The following MAPK10 variants were observed in gnomAD, a reference collection of about 807,000 sequenced individuals.
MAPK10 encodes mitogen-activated protein kinase 10.
Under a neutral mutation model 59.3 loss-of-function variants are expected in MAPK10, and 25 were observed. That is an observed-to-expected ratio of 0.42 (90% CI 0.31 to 0.59). The LOEUF (loss-of-function observed/expected upper bound fraction) is 0.59, where lower values mean the gene tolerates loss of function less well. Ranked by LOEUF, MAPK10 falls within the 20% of genes least tolerant of loss-of-function variation. The pLI is 0.15. For missense variants in MAPK10, 351 were observed against 568.9 expected (o/e 0.62, Z 3.90); for synonymous variants, 190 against 200.5 (o/e 0.95, Z 0.44).
chr4:86,581,898 ATTATATAT>A (rs1762308123), intron 1 of MAPK10, among the ~76,000 whole-genome samples: 1 of 97,450 alleles, frequency 1.0e-5, no homozygotes, highest in African/African-American at 4.0e-5. Context: ...AGCTATATAT[ATTATATAT>A]ATATATATAT....
intron 2 of MAPK10, among the ~76,000 whole-genome samples, chr4:86,316,921 T>C (rs2095799896): frequency 6.6e-6 from 1 of 152,104 alleles, no homozygotes; most frequent in South Asian, 2.1e-4. Context: ...GATTTTTTAA[T>C]GCTGGATTTT....
At chr4:86,352,639 T>A (rs1454125517) in intron 2 of MAPK10, among the ~76,000 whole-genome samples, 1 of 152,180 alleles carries the variant, frequency 6.6e-6, no homozygotes, top group African/African-American at 2.4e-5. Context: ...AAGGGACACA[T>A]AGGGGTTTGC....
intron 2 of MAPK10, among the ~76,000 whole-genome samples, chr4:86,349,441 T>C (rs1195952171): frequency 6.6e-6 from 1 of 152,236 alleles, no homozygotes; most frequent in Non-Finnish European, 1.5e-5. Context: ...GCCTATCAAG[T>C]GTCAGGCGCT....
chr4:86,085,888 T>C, intron 9 of MAPK10, among the ~76,000 whole-genome samples: 1 of 152,046 alleles, frequency 6.6e-6, no homozygotes, highest in East Asian at 1.9e-4. Flanking sequence ...GTGGTACATT[T>C]AAAAATGTTA....
intron 1 of MAPK10, among the ~76,000 whole-genome samples, chr4:86,558,721 C>A (rs530673313): frequency 6.6e-6 from 1 of 151,818 alleles, no homozygotes; most frequent in East Asian, 1.9e-4. Context: ...TTCTTCTTTG[C>A]TACAAAATGA....
chr4:86,335,822 A>G (rs2148925262), intron 2 of MAPK10, among the ~76,000 whole-genome samples: 1 of 152,294 alleles, frequency 6.6e-6, no homozygotes, highest in East Asian at 1.9e-4. Context: ...TAAAACAATC[A>G]GATTTTGTGA....
chr4:86,547,722 A>G lies in MAPK10; in HGVS notation c.-263+46188T>C, dbSNP rs1222187937. ...AGCTGGGCTCCTGAGTCTAGTGGGG[A>G]TGTGGAGAACCTTTATATCTAGCTA... On this transcript the variant is annotated intron_variant, in intron 1 of 4. Coordinates refer to the MAPK10 transcript ENST00000502302. 2.0e-5 allele frequency among the ~76,000 whole-genome samples: 3 copies of G among 152,310 alleles called. No homozygotes were observed. The South Asian group carries it at 6.2e-4, about 32-fold the overall frequency.
At chr4:86,072,752 C>A (rs1223707734) in intron 9 of MAPK10, among the ~76,000 whole-genome samples, 1 of 73,466 alleles carries the variant, frequency 1.4e-5, no homozygotes, top group Non-Finnish European at 2.5e-5. Context: ...CCCACTTGAT[C>A]ATGGTGGATA....
intron 2 of MAPK10, among the ~76,000 whole-genome samples, chr4:86,223,268 G>T (rs1437388555): frequency 6.6e-6 from 1 of 152,066 alleles, no homozygotes; most frequent in African/African-American, 2.4e-5. Context: ...AGTACAGCTG[G>T]CATTCACCCT....
intron 2 of MAPK10, among the ~76,000 whole-genome samples, chr4:86,349,508 G>T (rs1019108723): frequency 2.6e-5 from 4 of 152,116 alleles, no homozygotes; most frequent in African/African-American, 9.7e-5. Context: ...CCTGGCTAAG[G>T]TGGGAGGCAA....
chr4:86,377,333 G>A (rs909887108), intron 1 of MAPK10, among the ~76,000 whole-genome samples: 2 of 152,174 alleles, frequency 1.3e-5, no homozygotes, highest in Admixed American at 1.3e-4. Flanking sequence ...TGGAGTTCCA[G>A]AAGAAAAGGT....
At chr4:86,574,000 AC>A (rs1213365612) in intron 1 of MAPK10, among the ~76,000 whole-genome samples, 3 of 152,148 alleles carry the variant, frequency 2.0e-5, no homozygotes, top group Admixed American at 6.5e-5. Flanking sequence ...GCTGTGCTGC[AC>A]CCATTAACTC....
At position 86,306,813 on chromosome 4, in the gene MAPK10, T is replaced by C. The variant is rs571587874; in HGVS notation, c.-7+47717A>G. ...TCTGACATAGCCTTTGCCCATTAGA[T>C]GAAAATCTTGCCATGAAGGCCACGA... is the stretch of plus-strand genomic sequence containing the variant. On this transcript the variant is annotated intron_variant, in intron 2 of 13. Transcript: ENST00000641462. Among the ~76,000 whole-genome samples the C allele has an allele frequency of 1.1e-3, 164 of 152,340 alleles. 1 individual carries two copies. The highest frequency in any genetic ancestry group is 3.8e-3 in the African/African-American group (159 of 41,582).
chr4:86,181,622 G>A (rs1388650712), intron 3 of MAPK10, among the ~76,000 whole-genome samples: 1 of 152,060 alleles, frequency 6.6e-6, no homozygotes, highest in East Asian at 1.9e-4. Context: ...TTCTACTTAG[G>A]AAATGGTGTT....
intron 9 of MAPK10, among the ~76,000 whole-genome samples, chr4:86,068,168 T>A (rs2047095209): frequency 6.6e-6 from 1 of 152,186 alleles, no homozygotes; most frequent in African/African-American, 2.4e-5. Flanking sequence ...TTTGGAAAAC[T>A]AGCAATTATT....
chr4:86,574,367 C>T (rs1483907847), intron 1 of MAPK10, among the ~76,000 whole-genome samples: 4 of 151,722 alleles, frequency 2.6e-5, no homozygotes, highest in Non-Finnish European at 5.9e-5. Flanking sequence ...AATAAACATA[C>T]GTGTGCATGT....
At chr4:86,183,138 T>G (rs1398903756) in intron 3 of MAPK10, among the ~76,000 whole-genome samples, 1 of 111,130 alleles carries the variant, frequency 9.0e-6, no homozygotes, top group Non-Finnish European at 1.9e-5. Context: ...TTTGGCTGGT[T>G]TTTTTTTATT....
At chr4:86,299,210 T>C (rs2095424221) in intron 2 of MAPK10, among the ~76,000 whole-genome samples, 1 of 152,202 alleles carries the variant, frequency 6.6e-6, no homozygotes, top group Non-Finnish European at 1.5e-5. Flanking sequence ...AAGCAAACTT[T>C]CGAAATAAAC....
intron 3 of MAPK10, among the ~76,000 whole-genome samples, chr4:86,180,690 C>T (rs1459293105): frequency 6.6e-6 from 1 of 151,940 alleles, no homozygotes; most frequent in Non-Finnish European, 1.5e-5. Flanking sequence ...GAAATCCTGT[C>T]ATTCTCAGCA....
Sources: allele counts gnomAD v4.1 joint callset (sites outside exome capture counted in the v4.1 genomes callset), GRCh38; gene constraint gnomAD v4.1.1; transcripts MANE v1.5; gene names NCBI Gene and HGNC (gene_info 2026-07-23, HGNC 2026-07-21).